The following FGL1 variants were observed in gnomAD, a reference collection of about 807,000 sequenced individuals.
The protein encoded by FGL1 is fibrinogen like 1, also known as fibrinogen-like protein 1.
A neutral mutation model predicts 43.7 loss-of-function variants in FGL1; 59 were observed. That is an observed-to-expected ratio of 1.35 (90% CI 1.10 to 1.68). The LOEUF (loss-of-function observed/expected upper bound fraction) is 1.68. FGL1 is among the 40% of genes most tolerant of loss of function. The pLI, the probability that FGL1 is intolerant of heterozygous loss-of-function variation, is 0.00. For missense variants in FGL1, 596 were observed against 373.0 expected (o/e 1.60, Z -4.92); for synonymous variants, 192 against 126.5 (o/e 1.52, Z -3.48).
intron 2 of FGL1, among the ~76,000 whole-genome samples, chr8:17,885,072 A>G (rs367690433): frequency 6.7e-6 from 1 of 150,184 alleles, no homozygotes; most frequent in Admixed American, 6.6e-5. Context: ...ATGGAGTCTC[A>G]CTCTGTCGCC....
At chr8:17,879,623 C>T (rs936992759) in intron 3 of FGL1, among the ~76,000 whole-genome samples, 1 of 152,144 alleles carries the variant, frequency 6.6e-6, no homozygotes, top group African/African-American at 2.4e-5. Flanking sequence ...GATGTGCCTG[C>T]TTCTGCTTTG....
At chr8:17,892,024 T>G (rs1284473034) in intron 1 of FGL1, among the ~76,000 whole-genome samples, 1 of 152,200 alleles carries the variant, frequency 6.6e-6, no homozygotes, top group African/African-American at 2.4e-5. Flanking sequence ...GTCATTACCA[T>G]AGCTATCTCA....
intron 1 of FGL1, chr8:17,891,880 A>T: frequency 1.4e-6 from 1 of 692,746 alleles, no homozygotes; most frequent in Non-Finnish European, 1.8e-6. Flanking sequence ...ATTTGCAAAT[A>T]TGTCATGTCA....
rs1056544567 is a variant in FGL1 at position 17,864,486 on chromosome 8, A to G, written c.*106T>C. The G allele has an allele frequency of 1.1e-5, 14 of 1,222,170 alleles. No individual in the cohort carries two copies. Among genetic ancestry groups the G allele is most frequent in the East Asian group, 5.1e-5 (2 of 39,576 alleles). The allele number at this position is 1,222,170 out of a possible 1,614,324, so 75.7% of individuals were successfully genotyped here. A position where few individuals can be genotyped will look rare whatever the true frequency, so the allele number is the denominator to read the frequency against. On this transcript the variant is annotated 3_prime_UTR_variant, in exon 8 of 8. Coordinates refer to ENST00000427924, the MANE Select transcript of FGL1 (RefSeq NM_004467.4). ...GCAAGTGAGAAGAATGAAAAGCACT[A>G]CTCACAACAGTTATCATGATTGCGC...
At chr8:17,884,588 C>G (rs140071137) in intron 2 of FGL1, among the ~76,000 whole-genome samples, 87 of 152,240 alleles carry the variant, frequency 5.7e-4, no homozygotes, top group Non-Finnish European at 1.0e-3. Context: ...CACCTTGAGT[C>G]ACATAGGCTA....
chr8:17,892,753 T>C (rs1197920617), intron 1 of FGL1, among the ~76,000 whole-genome samples: 3 of 152,212 alleles, frequency 2.0e-5, no homozygotes, highest in African/African-American at 7.2e-5. Flanking sequence ...CAGATAATAT[T>C]CAGGAGTCAA....
Position 17,881,138 on chromosome 8 carries a change from A to ATTTTTTTTTTTTTTTTTTT in FGL1, c.244+860_244+861insAAAAAAAAAAAAAAAAAAA, listed in dbSNP as rs34570292. 3.9e-3 allele frequency among the ~76,000 whole-genome samples: 562 copies of ATTTTTTTTTTTTTTTTTTT among 142,838 alleles called. 37 individuals carry two copies. Among genetic ancestry groups the ATTTTTTTTTTTTTTTTTTT allele is most frequent in the African/African-American group, 0.014 (529 of 36,738 alleles). 93.7% of individuals were successfully genotyped at this position (142,838 alleles called of 152,430 possible). ...ATTGTAATCTGCCATGTGTACACGG[A>ATTTTTTTTTTTTTTTTTTT]TTTTTTTTTTTTTTTTGAGACAGAG... On this transcript the variant is annotated intron_variant, in intron 3 of 7. Transcript: ENST00000427924.
chr8:17,868,743 A>G lies in FGL1; in HGVS notation c.592-8T>C. On this transcript the variant is annotated splice_polypyrimidine_tract_variant and splice_region_variant and intron_variant, in intron 6 of 7. Coordinates refer to ENST00000427924, the MANE Select transcript of FGL1 (RefSeq NM_004467.4). Reference sequence around the variant, plus strand: ...ATTCAACTCGTAGAAATTCTAAAGAAAAAGGGCATTTCTGCTGTCAGTGGA... The same window carrying G: ...ATTCAACTCGTAGAAATTCTAAAGAGAAAGGGCATTTCTGCTGTCAGTGGA... 3 of 1,606,446 alleles carry G rather than the reference A, an allele frequency of 1.9e-6. No homozygotes were observed. The highest frequency in any genetic ancestry group is 1.7e-6 in the Non-Finnish European group (2 of 1,176,466).
At chr8:17,882,211 ACC>A (rs759966527) in intron 2 of FGL1, 32 bp from the exon 3 acceptor site, 53 of 1,535,784 alleles carry the variant, frequency 3.5e-5, no homozygotes, top group Non-Finnish European at 4.7e-5. Context: ...ATGAGTATGC[ACC>A]TCATTTTCAT....
chr8:17,875,282 CA>C (rs1232600458), intron 3 of FGL1, among the ~76,000 whole-genome samples: 2 of 152,114 alleles, frequency 1.3e-5, no homozygotes, highest in African/African-American at 4.8e-5. Flanking sequence ...ATAATCTTGT[CA>C]AAATCTTATA....
intron 5 of FGL1, among the ~76,000 whole-genome samples, chr8:17,869,791 T>C (rs1471483889): frequency 6.6e-6 from 1 of 152,208 alleles, no homozygotes; most frequent in Non-Finnish European, 1.5e-5. Flanking sequence ...TCTGAAGAAC[T>C]GATATCTACA....
Position 17,874,114 on chromosome 8 carries a change from C to A in FGL1, c.407G>T (p.Gly136Val). Residue 136 changes from glycine (G) to valine (V), a missense_variant and splice_region_variant, in exon 5 of 8, where the codon GGA (glycine) becomes GTA (valine). Transcript: ENST00000427924. Reference protein sequence around the residue: ...RSDGSENFNRGWKDYENGFGN... With the variant: ...RSDGSENFNRVWKDYENGFGN... ...AAAGCCATTTTCATAGTCTTTCCATCCTCTAAAAAAGGTAAAGTGGAAGCC... is the reference window on the plus strand; with the variant it reads ...AAAGCCATTTTCATAGTCTTTCCATACTCTAAAAAAGGTAAAGTGGAAGCC... 1 of 1,610,392 alleles carries A rather than the reference C, an allele frequency of 6.2e-7. No homozygotes were observed. The highest frequency in any genetic ancestry group is 8.5e-7 in the Non-Finnish European group (1 of 1,178,724).
At chr8:17,894,435 G>A (rs2053747824) in intron 1 of FGL1, among the ~76,000 whole-genome samples, 1 of 146,828 alleles carries the variant, frequency 6.8e-6, no homozygotes, top group Non-Finnish European at 1.5e-5. Flanking sequence ...GAATATAACT[G>A]TGCTTTTGTA....
At chr8:17,884,053 T>C (rs912499289) in intron 2 of FGL1, among the ~76,000 whole-genome samples, 1 of 149,360 alleles carries the variant, frequency 6.7e-6, no homozygotes, top group African/African-American at 2.5e-5. Flanking sequence ...TCTTTTTCTT[T>C]TCTTTTGTTC....
At chr8:17,890,668 T>A (rs1269423641) in intron 1 of FGL1, among the ~76,000 whole-genome samples, 1 of 152,122 alleles carries the variant, frequency 6.6e-6, no homozygotes, top group Non-Finnish European at 1.5e-5. Context: ...TGAGACTGGG[T>A]AATTTATAAA....
At chr8:17,867,421 A>T (rs567469889) in intron 7 of FGL1, among the ~76,000 whole-genome samples, 1 of 152,324 alleles carries the variant, frequency 6.6e-6, no homozygotes, top group South Asian at 2.1e-4. Flanking sequence ...GTAGGAAGGA[A>T]AAAAACCATC....
chr8:17,868,698 G>C lies in FGL1; in HGVS notation c.629C>G (p.Thr210Arg), dbSNP rs780862677. ...ATTCCCCGCAAGGGAATCTCCAGCT[G>C]TTCCAGAATATTCCCCAATATTCAA... is the stretch of plus-strand genomic sequence containing the variant. The part of the protein sequence containing the change: ...YELNIGEYSG[T>R]AGDSLAGNFH... Residue 210 changes from threonine to arginine, a missense_variant, in exon 7 of 8, where the codon ACA becomes AGA. Transcript: ENST00000427924. 7.6e-5 allele frequency: 123 copies of C among 1,613,318 alleles called. No individual in the cohort carries two copies. The highest frequency in any genetic ancestry group is 9.1e-5 in the Non-Finnish European group (107 of 1,179,838).
chr8:17,875,514 T>TTC (rs2053434122), intron 3 of FGL1, among the ~76,000 whole-genome samples: 2 of 15,220 alleles, frequency 1.3e-4, no homozygotes, highest in African/African-American at 3.4e-4. Context: ...TTTCTTTCTT[T>TTC]CTTTCTTTCT....
intron 5 of FGL1, among the ~76,000 whole-genome samples, chr8:17,871,538 A>C (rs1434954961): frequency 6.6e-6 from 1 of 152,156 alleles, no homozygotes; most frequent in Non-Finnish European, 1.5e-5. Context: ...CAGAGACATA[A>C]AGACTCAATT....
Sources: allele counts gnomAD v4.1 joint callset (sites outside exome capture counted in the v4.1 genomes callset), GRCh38; gene constraint gnomAD v4.1.1; transcripts MANE v1.5; gene names NCBI Gene and HGNC (gene_info 2026-07-23, HGNC 2026-07-21).